The following ARHGAP17 variants were observed in gnomAD, a reference collection of about 807,000 sequenced individuals.
ARHGAP17 encodes the protein rho GTPase-activating protein 17.
Under a neutral mutation model 99.5 loss-of-function variants are expected in ARHGAP17, and 57 were observed. The observed-to-expected ratio is 0.57, with a 90% confidence interval of 0.46 to 0.71. ARHGAP17 has a LOEUF of 0.71. Ranked by LOEUF, ARHGAP17 falls within the 30% of genes least tolerant of loss-of-function variation. ARHGAP17 has a pLI of 0.00. For synonymous variants in ARHGAP17, 417 were observed against 429.6 expected, an observed-to-expected ratio of 0.97 and a Z score of 0.36; for missense variants, 1,000 against 1,122.4, an observed-to-expected ratio of 0.89 and a Z score of 1.56.
chr16:24,946,933 G>T (rs1159943324), intron 14 of ARHGAP17, among the ~76,000 whole-genome samples: 1 of 152,232 alleles, frequency 6.6e-6, no homozygotes, highest in Non-Finnish European at 1.5e-5. Context: ...ACATGACACT[G>T]ATGCTTCAAA....
intron 17 of ARHGAP17, 141 bp downstream of exon 17, chr16:24,939,223 G>C (rs979642837): frequency 1.8e-5 from 13 of 722,648 alleles, no homozygotes; most frequent in Non-Finnish European, 2.8e-5. Flanking sequence ...TCCATCTTTT[G>C]CCAACCAGAG....
intron 1 of ARHGAP17, among the ~76,000 whole-genome samples, chr16:24,998,085 G>T (rs1180843063): frequency 2.6e-5 from 4 of 151,932 alleles, no homozygotes; most frequent in Admixed American, 6.6e-5. Flanking sequence ...TCCCCAGGGA[G>T]GGCAGGGAAG....
At chr16:24,962,905 G>C (rs2052053087) in intron 7 of ARHGAP17, among the ~76,000 whole-genome samples, 1 of 152,218 alleles carries the variant, frequency 6.6e-6, no homozygotes, top group South Asian at 2.1e-4. Flanking sequence ...TAGCTAAAGA[G>C]AGAATCAGTG....
At chr16:24,954,867 T>C (rs1350947382) in intron 9 of ARHGAP17, 137 bp from the exon 10 acceptor site, 1 of 1,256,572 alleles carries the variant, frequency 8.0e-7, no homozygotes, top group East Asian at 2.5e-5. Context: ...TCTGTTCTAT[T>C]TGCTTTTGTT....
Position 24,931,239 on chromosome 16 carries a change from C to A in ARHGAP17, c.2060G>T (p.Gly687Val). The change falls in exon 19 of 20, where the codon GGC becomes GTC. Residue 687 changes from glycine (G) to valine (V), a missense_variant. Gly to Val is a moderately radical substitution (Grantham distance 109). Around this residue, in one of 2 missense-constraint regions of ARHGAP17, gnomAD observed 528 missense variants for 511.4 expected, o/e 1.03. Transcript: ENST00000289968. ...PPTQHTGQPP[G>V]QPSAPSQLSA... ...GAGCTGGGAGGGGGCGGAGGGCTGG[C>A]CTGGAGGCTGGCCCGTGTGCTGGGT... 6.5e-7 allele frequency: 1 copy of A among 1,549,570 alleles called. No individual in the cohort carries two copies.
At chr16:24,930,523 T>C (rs145766154) in intron 19 of ARHGAP17, among the ~76,000 whole-genome samples, 5 of 152,334 alleles carry the variant, frequency 3.3e-5, no homozygotes, top group African/African-American at 9.6e-5. Flanking sequence ...TTTCCAACTT[T>C]GTGGGCCACA....
intron 7 of ARHGAP17, among the ~76,000 whole-genome samples, chr16:24,963,690 A>G (rs1025549877): frequency 2.0e-5 from 3 of 152,308 alleles, no homozygotes; most frequent in African/African-American, 7.2e-5. Context: ...AAAAAGCTCT[A>G]TTTCTCCCAA....
At chr16:24,968,479 C>A (rs772416053) in intron 5 of ARHGAP17, 52 bp from the exon 6 acceptor site, 4 of 1,602,866 alleles carry the variant, frequency 2.5e-6, no homozygotes, top group Non-Finnish European at 3.4e-6. Flanking sequence ...TTTAGGTTAA[C>A]CATTTTAAAG....
At position 24,943,849 on chromosome 16, in the gene ARHGAP17, T is replaced by C; in HGVS notation, c.1255A>G (p.Met419Val). ...WARNEGTLAE[M>V]AAATSVHVVA... ...ACATGGACGGATGTGGCTGCTGCCA[T>C]TTCAGCAAGTGTTCTGCAAAGCAAG... The change falls in exon 15 of 20, where the codon ATG becomes GTG. Residue 419 changes from methionine to valine, a missense_variant. This residue lies in a region of ARHGAP17 where 472 missense variants were observed against 611.1 expected (regional missense o/e 0.77). Transcript: ENST00000289968. The C allele has an allele frequency of 6.2e-7, 1 of 1,614,156 alleles. No homozygotes were observed. Among genetic ancestry groups the C allele is most frequent in the Non-Finnish European group, 8.5e-7 (1 of 1,180,012 alleles).
At chr16:24,962,408 G>A (rs1028037963) in intron 7 of ARHGAP17, among the ~76,000 whole-genome samples, 1 of 152,220 alleles carries the variant, frequency 6.6e-6, no homozygotes, top group African/African-American at 2.4e-5. Flanking sequence ...TGGAAATCAT[G>A]GGGAAGTATG....
chr16:24,967,760 CA>C (rs2052230789), intron 6 of ARHGAP17, among the ~76,000 whole-genome samples: 1 of 126,562 alleles, frequency 7.9e-6, no homozygotes, highest in African/African-American at 3.1e-5. Flanking sequence ...CCTGGTACAG[CA>C]GAGCAAGACC....
intron 14 of ARHGAP17, among the ~76,000 whole-genome samples, chr16:24,944,385 CCA>C (rs1277932273): frequency 6.6e-6 from 1 of 151,980 alleles, no homozygotes. Context: ...GTGATAACAA[CCA>C]CAGTGTCTGC....
At chr16:24,994,482 C>T (rs1234400076) in intron 1 of ARHGAP17, among the ~76,000 whole-genome samples, 1 of 152,170 alleles carries the variant, frequency 6.6e-6, no homozygotes, top group African/African-American at 2.4e-5. Flanking sequence ...GATAGGGCCC[C>T]TGCTCTGCCA....
intron 1 of ARHGAP17, among the ~76,000 whole-genome samples, chr16:24,997,888 T>C (rs115453995): frequency 0.037 from 5,706 of 152,236 alleles, 345 homozygotes; most frequent in African/African-American, 0.13. Flanking sequence ...TTCCCTTTTT[T>C]CTAGATGGTT....
intron 17 of ARHGAP17, among the ~76,000 whole-genome samples, chr16:24,937,800 A>T (rs115368999): frequency 0.014 from 2,148 of 152,360 alleles, 52 homozygotes; most frequent in African/African-American, 0.049. Context: ...AGTTCTTTCA[A>T]GGCAAATTCA....
intron 1 of ARHGAP17, among the ~76,000 whole-genome samples, chr16:24,997,107 T>G (rs932369116): frequency 3.3e-5 from 5 of 152,034 alleles, no homozygotes; most frequent in Admixed American, 2.6e-4. Flanking sequence ...CACATCCAGA[T>G]GCATATTCTC....
At chr16:24,922,730 C>T (rs891924807) in intron 19 of ARHGAP17, among the ~76,000 whole-genome samples, 7 of 152,050 alleles carry the variant, frequency 4.6e-5, no homozygotes, top group South Asian at 2.1e-4. Flanking sequence ...GGCTGGAGTG[C>T]AGTCGTGCAA....
chr16:24,956,121 C>T (rs1467238298), intron 9 of ARHGAP17: 1 of 152,046 alleles, frequency 6.6e-6, no homozygotes, highest in African/African-American at 2.4e-5. Context: ...CCACGTGAGC[C>T]TTCCACTAGG....
chr16:25,004,202 T>C (rs2053447129), intron 1 of ARHGAP17, among the ~76,000 whole-genome samples: 1 of 151,694 alleles, frequency 6.6e-6, no homozygotes. Context: ...GATGGGAGAG[T>C]TGTTTGAGGC....
Sources: allele counts gnomAD v4.1 joint callset (sites outside exome capture counted in the v4.1 genomes callset), GRCh38; gene constraint gnomAD v4.1.1; regional missense constraint gnomAD v4.1.1; transcripts MANE v1.5; gene names NCBI Gene and HGNC (gene_info 2026-07-23, HGNC 2026-07-21).